TRIM66: variants seen among roughly 807,000 people sequenced by gnomAD.
The protein encoded by TRIM66 is tripartite motif-containing protein 66.
A neutral mutation model predicts 148.2 loss-of-function variants in TRIM66; 99 were observed. That is an observed-to-expected ratio of 0.67 (90% confidence interval 0.57 to 0.79). TRIM66 has a LOEUF of 0.79. Among genes scored for constraint, TRIM66 ranks in the 30% least tolerant of loss-of-function variants. The pLI is 0.00. For synonymous variants in TRIM66, 616 were observed against 635.9 expected, an observed-to-expected ratio of 0.97 and a Z score of 0.47; for missense variants, 1,666 against 1,697.9, an observed-to-expected ratio of 0.98 and a Z score of 0.33.
At position 8,649,860 on chromosome 11, in the gene TRIM66, C is replaced by G; in HGVS notation, c.472G>C (p.Ala158Pro). ...CAGTAGGTGCAGAGGATATGTGCTG[C>G]CCTCTTCTCCTTGCACTCAGAGCAG... ...RNCSECKEKR[A>P]AHILCTYCNR... Residue 158 changes from alanine to proline, a missense_variant, in exon 8 of 25, where the codon GCA (alanine) becomes CCA (proline). This residue lies in a region of TRIM66 where 1,431 missense variants were observed against 1,412.4 expected (regional missense o/e 1.01). Transcript: ENST00000646038. The G allele has an allele frequency of 6.4e-7, 1 of 1,551,580 alleles. No homozygotes were observed.
intron 15 of TRIM66, among the ~76,000 whole-genome samples, chr11:8,627,510 T>C (rs1273629419): frequency 6.6e-6 from 1 of 152,238 alleles, no homozygotes; most frequent in Admixed American, 6.5e-5. Context: ...TAGAACAATA[T>C]CTGGCATACT....
chr11:8,619,459 G>C lies in TRIM66; in HGVS notation c.3824C>G (p.Pro1275Arg), dbSNP rs2033989094. 1 of 1,551,456 alleles carries C rather than the reference G, an allele frequency of 6.4e-7. No individual in the cohort carries two copies. Among genetic ancestry groups the C allele is most frequent in the Non-Finnish European group, 8.7e-7 (1 of 1,146,858 alleles). ...IIRRKLQKKDPAHYTTPEEVV... is the reference protein window; with the variant it reads ...IIRRKLQKKDRAHYTTPEEVV... ...CTCCTCTGGGGTGGTATAGTGAGCT[G>C]GGTCCTTCTTTTGCAGCTTCCTCCG... is the stretch of plus-strand genomic sequence containing the variant. Residue 1275 changes from proline (P) to arginine (R), a missense_variant, in exon 23 of 25, where the codon CCA becomes CGA. By Grantham distance (103) the Pro-to-Arg change is moderately radical (BLOSUM62 -2). Around this residue, in one of 3 missense-constraint regions of TRIM66, gnomAD observed 204 missense variants for 231.0 expected, o/e 0.88. Coordinates refer to ENST00000646038, the MANE Select transcript of TRIM66 (RefSeq NM_001388022.1).
rs1281036423 is a variant in TRIM66 at position 8,640,310 on chromosome 11, G to A, written c.2065C>T (p.Gln689Ter). The change falls in exon 14 of 25, where the codon CAG becomes TAG. Residue 689 changes from glutamine to a stop codon, truncating the protein, a stop_gained. Transcript: ENST00000646038. LOFTEE classifies it high-confidence loss of function. ...LSQTKSPQHL[Q>*]QTIVGQINYI... ...TTGATCTGCCCCACAATGGTTTGCT[G>A]AAGATGCTGAGGAGATTTGGTCTGA... The A allele has an allele frequency of 6.4e-7, 1 of 1,551,736 alleles. No individual in the cohort carries two copies. The highest frequency in any genetic ancestry group is 1.4e-5 in the African/African-American group (1 of 73,118).
At chr11:8,634,449 G>A (rs559168347) in intron 15 of TRIM66, among the ~76,000 whole-genome samples, 46 of 152,314 alleles carry the variant, frequency 3.0e-4, no homozygotes, top group Non-Finnish European at 2.6e-4. Flanking sequence ...GATTATAGGC[G>A]TGAGCCACCA....
intron 13 of TRIM66, 47 bp downstream of exon 13, chr11:8,642,962 C>T (rs998337328): frequency 1.5e-6 from 2 of 1,369,872 alleles, no homozygotes; most frequent in African/African-American, 3.0e-5. Flanking sequence ...GCAATTAAGT[C>T]AAAGCCCACA....
rs767721648 is a variant in TRIM66 at position 8,624,705 on chromosome 11, G to A, written c.2826+8C>T. The A allele has an allele frequency of 5.3e-6, 8 of 1,498,750 alleles. No homozygotes were observed. The highest frequency in any genetic ancestry group is 7.1e-6 in the Non-Finnish European group (8 of 1,120,108). The allele number at this position is 1,498,750 out of a possible 1,614,324, so 92.8% of individuals were successfully genotyped here. ...AGGAAGTTTGGATAGCATTTCCCCA[G>A]GACTTACCTTACACAGAGCATTCTC... On this transcript the variant is annotated splice_region_variant and intron_variant, in intron 16 of 24. Transcript: ENST00000646038.
At chr11:8,620,338 G>A in intron 21 of TRIM66, 108 bp downstream of exon 21, 1 of 1,482,202 alleles carries the variant, frequency 6.7e-7, no homozygotes, top group Non-Finnish European at 9.0e-7. Context: ...ATAGGACGAA[G>A]AAATGTATCC....
intron 3 of TRIM66, among the ~76,000 whole-genome samples, chr11:8,675,112 T>C (rs950694270): frequency 3.3e-5 from 5 of 152,228 alleles, no homozygotes; most frequent in African/African-American, 9.6e-5. Flanking sequence ...ATTTGGAAAA[T>C]ACCAGTTCAA....
intron 4 of TRIM66, 148 bp from the exon 5 acceptor site, chr11:8,672,533 A>T: frequency 1.2e-6 from 1 of 831,914 alleles, no homozygotes; most frequent in Non-Finnish European, 1.7e-6. Flanking sequence ...AGTGTTAGAG[A>T]GGCTGGGTCA....
At chr11:8,620,398 G>A in intron 21 of TRIM66, 48 bp downstream of exon 21, 5 of 1,548,906 alleles carry the variant, frequency 3.2e-6, no homozygotes, top group Non-Finnish European at 3.5e-6. Flanking sequence ...GTAGGCAGAA[G>A]GGGGCTGCCA....
In TRIM66 at chr11:8,617,881, T is replaced by C. The variant is rs992234942; in HGVS notation, c.*63A>G. On this transcript the variant is annotated 3_prime_UTR_variant, in exon 25 of 25. Coordinates refer to ENST00000646038, the MANE Select transcript of TRIM66 (RefSeq NM_001388022.1). ...ACTCTGAAGAGGATAAGCTGCAAGA[T>C]GGGGAGGAATGGTCGACAGTATGGG... 15 of 1,460,114 alleles carry C rather than the reference T, an allele frequency of 1.0e-5. No homozygotes were observed. The highest frequency in any genetic ancestry group is 1.7e-4 in the Middle Eastern group (1 of 5,854). The allele number at this position is 1,460,114 out of a possible 1,614,324, so 90.4% of individuals were successfully genotyped here. A position where few individuals can be genotyped will look rare whatever the true frequency, so the allele number is the denominator to read the frequency against.
At chr11:8,625,594 C>A (rs1367151026) in intron 15 of TRIM66, among the ~76,000 whole-genome samples, 1 of 152,060 alleles carries the variant, frequency 6.6e-6, no homozygotes, top group Non-Finnish European at 1.5e-5. Context: ...CCATATCCCT[C>A]ACCCCAGTCT....
At chr11:8,649,510 C>A (rs1266362440) in intron 8 of TRIM66, among the ~76,000 whole-genome samples, 1 of 152,144 alleles carries the variant, frequency 6.6e-6, no homozygotes, top group African/African-American at 2.4e-5. Flanking sequence ...TCAACACTTT[C>A]CTCTCTATAC....
At chr11:8,651,729 G>A in intron 7 of TRIM66, 71 bp downstream of exon 7, 1 of 1,187,540 alleles carries the variant, frequency 8.4e-7, no homozygotes, top group South Asian at 1.3e-5. Context: ...TGGATGGATA[G>A]AAGACTTATG....
At chr11:8,664,479 TAGTCTA>T (rs1221745209) in intron 6 of TRIM66, among the ~76,000 whole-genome samples, 1 of 152,176 alleles carries the variant, frequency 6.6e-6, no homozygotes, top group Admixed American at 6.5e-5. Context: ...TTGTTAACCT[TAGTCTA>T]TAAATATCCC....
chr11:8,623,050 C>G (rs1398543338), intron 17 of TRIM66, among the ~76,000 whole-genome samples, 174 bp from the exon 18 acceptor site: 3 of 152,198 alleles, frequency 2.0e-5, no homozygotes, highest in African/African-American at 7.2e-5. Context: ...CGTGGATCTC[C>G]TTCTTGAGAG....
At position 8,612,298 on chromosome 11, in the gene TRIM66, T is replaced by TC. The variant is rs2033444950; in HGVS notation, c.*5645dup. 1.3e-5 allele frequency: 2 copies of TC among 152,266 alleles called. No individual in the cohort carries two copies. The highest frequency in any genetic ancestry group is 4.8e-5 in the African/African-American group (2 of 41,414). 9.4% of individuals were successfully genotyped at this position (152,266 alleles called of 1,614,324 possible). On this transcript the variant is annotated 3_prime_UTR_variant, in exon 25 of 25. Coordinates refer to ENST00000646038, the MANE Select transcript of TRIM66 (RefSeq NM_001388022.1). Reference sequence around the variant, plus strand: ...AGCAGCTCTGTTTGGCTTGTGAGTCTCCTTTCCCTGCCCTGGTCTGGACTC... The same window carrying TC: ...AGCAGCTCTGTTTGGCTTGTGAGTCTCCCTTTCCCTGCCCTGGTCTGGACTC...
chr11:8,634,370 T>C (rs765891178), intron 15 of TRIM66, among the ~76,000 whole-genome samples: 6 of 152,222 alleles, frequency 3.9e-5, no homozygotes, highest in Non-Finnish European at 7.3e-5. Context: ...GGTTTCACCA[T>C]GTTGCCCAGG....
At position 8,671,748 on chromosome 11, in the gene TRIM66, T is replaced by C. The variant is rs908539456; in HGVS notation, c.340+38A>G. On this transcript the variant is annotated intron_variant, in intron 6 of 24. Transcript: ENST00000646038. ...CTATGAAACAGGAAGAGACCTGTTATGTAGTGGGAGGTGAACTTGTGGTGC... is the reference window on the plus strand; with the variant it reads ...CTATGAAACAGGAAGAGACCTGTTACGTAGTGGGAGGTGAACTTGTGGTGC... 1.3e-5 allele frequency: 12 copies of C among 894,146 alleles called. No individual in the cohort carries two copies. The South Asian group carries it at 1.4e-4, about 10-fold the overall frequency. The allele number at this position is 894,146 out of a possible 1,614,324, so 55.4% of individuals were successfully genotyped here. A position where few individuals can be genotyped will look rare whatever the true frequency, so the allele number is the denominator to read the frequency against.
Sources: gnomAD v4.1 joint callset for allele counts (sites outside exome capture counted in the v4.1 genomes callset) on GRCh38, gnomAD v4.1.1 for gene constraint, gnomAD v4.1.1 regional missense constraint, MANE v1.5 for transcripts, NCBI Gene and HGNC (gene_info 2026-07-23, HGNC 2026-07-21) for gene names.